The following CDH10 variants were observed in gnomAD, a reference collection of about 807,000 sequenced individuals.
The protein encoded by CDH10 is cadherin-10.
CDH10 carries 30 observed loss-of-function variants against 73.1 expected under a neutral mutation model. The observed-to-expected ratio is 0.41, with a 90% CI of 0.31 to 0.56. CDH10 has a LOEUF of 0.56. Among genes scored for constraint, CDH10 ranks in the 20% least tolerant of loss-of-function variants. The pLI is 0.27. For synonymous variants in CDH10, 345 were observed against 348.2 expected (o/e 0.99, Z 0.10); for missense variants, 815 against 973.7 (o/e 0.84, Z 2.17).
chr5:24,572,485 G>A (rs75699124), intron 2 of CDH10, among the ~76,000 whole-genome samples: 11,063 of 151,810 alleles, frequency 0.073, 749 homozygotes, highest in African/African-American at 0.15. Context: ...TCTTAAAAAA[G>A]GAAAAGCTGA....
intron 1 of CDH10, among the ~76,000 whole-genome samples, chr5:24,605,254 T>C (rs1746720046): frequency 6.6e-6 from 1 of 152,162 alleles, no homozygotes; most frequent in African/African-American, 2.4e-5. Flanking sequence ...ATAGTATAGG[T>C]CTATGACCTG....
chr5:24,571,250 G>T (rs2112022689), intron 2 of CDH10, among the ~76,000 whole-genome samples: 1 of 152,182 alleles, frequency 6.6e-6, no homozygotes, highest in East Asian at 1.9e-4. Context: ...TTCACGATGA[G>T]CCTTGAAGAT....
chr5:24,549,174 T>C lies in CDH10; in HGVS notation c.232-11500A>G, dbSNP rs548914529. Among the ~76,000 whole-genome samples the C allele has an allele frequency of 1.9e-3, 285 of 152,112 alleles. 1 individual carries two copies. Among genetic ancestry groups the C allele is most frequent in the Non-Finnish European group, 3.0e-3 (207 of 67,982 alleles). On this transcript the variant is annotated intron_variant, in intron 2 of 11. Coordinates refer to ENST00000264463, the MANE Select transcript of CDH10 (RefSeq NM_006727.5). ...CTGAAAGATGCAGAAAACAAAAATATGAAAACGAAAATTACATAAGGTCAC... is the reference window on the plus strand; with the variant it reads ...CTGAAAGATGCAGAAAACAAAAATACGAAAACGAAAATTACATAAGGTCAC...
chr5:24,499,266 C>G (rs1742403798), intron 8 of CDH10: 1 of 152,604 alleles, frequency 6.6e-6, no homozygotes, highest in Non-Finnish European at 1.5e-5. Flanking sequence ...TCTCAACATT[C>G]TAGCTCAATT....
rs2111752143 is a variant in CDH10 at position 24,509,692 on chromosome 5, T to C, written c.1130A>G (p.Asp377Gly). ...DTTIVKISIEDVDEPPVFSRS... is the reference protein window; with the variant it reads ...DTTIVKISIEGVDEPPVFSRS... The stretch of plus-strand genomic sequence containing the variant: ...ACTAAAAACAGGAGGTTCATCCACA[T>C]CTTCTATAGAGATTTTCACTATGGT... The change falls in exon 7 of 12, where the codon GAT (aspartate) becomes GGT (glycine). Residue 377 changes from aspartate to glycine, a missense_variant. Physicochemically the swap from Asp to Gly is moderately conservative, Grantham distance 94. Around this residue, in one of 3 missense-constraint regions of CDH10, gnomAD observed 516 missense variants for 636.6 expected, o/e 0.81. Transcript: ENST00000264463. 2 of 1,613,758 alleles carry C rather than the reference T, an allele frequency of 1.2e-6. No individual in the cohort carries two copies. The highest frequency in any genetic ancestry group is 1.7e-6 in the Non-Finnish European group (2 of 1,179,642).
intron 9 of CDH10, among the ~76,000 whole-genome samples, chr5:24,494,224 A>C (rs1478545030): frequency 4.6e-5 from 7 of 151,946 alleles, no homozygotes; most frequent in African/African-American, 1.7e-4. Context: ...TGTAAGCAAG[A>C]ATTATAAAAA....
chr5:24,535,429 T>C lies in CDH10; in HGVS notation c.647-150A>G, dbSNP rs73743626. On this transcript the variant is annotated intron_variant, in intron 4 of 11. Transcript: ENST00000264463. Reference sequence around the variant, plus strand: ...TATTGTCTAGAAATTATAAAAGTGATTCTGCGGAAATATCATTTGTATTGT... The same window carrying C: ...TATTGTCTAGAAATTATAAAAGTGACTCTGCGGAAATATCATTTGTATTGT... 634 of 809,574 alleles carry C rather than the reference T, an allele frequency of 7.8e-4. 2 individuals are homozygous for C. The African/African-American group carries it at 9.5e-3, about 12-fold the overall frequency. The allele number at this position is 809,574 out of a possible 1,614,324, so 50.1% of individuals were successfully genotyped here.
chr5:24,597,392 T>G (rs1254401566), intron 1 of CDH10, among the ~76,000 whole-genome samples: 1 of 152,086 alleles, frequency 6.6e-6, no homozygotes, highest in Admixed American at 6.6e-5. Flanking sequence ...CCTCAGAATG[T>G]TTTTATAACT....
At position 24,598,414 on chromosome 5, in the gene CDH10, G is replaced by A. The variant is rs115237005; in HGVS notation, c.-123-4801C>T. On this transcript the variant is annotated intron_variant, in intron 1 of 11. Coordinates refer to ENST00000264463, the MANE Select transcript of CDH10 (RefSeq NM_006727.5). ...TAAGTTTGAGGCAGGGTTTTATGTC[G>A]TCCATGCAAAGCTAGCAATATAGAG... Among the ~76,000 whole-genome samples the A allele has an allele frequency of 3.3e-3, 507 of 151,730 alleles. 6 individuals carry two copies. Among genetic ancestry groups the A allele is most frequent in the African/African-American group, 0.012 (478 of 41,414 alleles).
chr5:24,590,171 G>A (rs1746151003), intron 2 of CDH10, among the ~76,000 whole-genome samples: 2 of 151,808 alleles, frequency 1.3e-5, no homozygotes, highest in Admixed American at 6.6e-5. Context: ...ACAAATAAAT[G>A]TTTTGAATTG....
In CDH10 at chr5:24,631,915, A is replaced by G. The variant is rs1475881324; in HGVS notation, c.-124+12679T>C. Among the ~76,000 whole-genome samples the G allele has an allele frequency of 8.5e-5, 13 of 152,200 alleles. No individual in the cohort carries two copies. The South Asian group carries it at 1.9e-3, about 22-fold the overall frequency. On this transcript the variant is annotated intron_variant, in intron 1 of 11. Transcript: ENST00000264463. ...AGGATCATTTTTTAAATACAGATAGAATTAAAATCATTTGTCAAATAATTC... is the reference window on the plus strand; with the variant it reads ...AGGATCATTTTTTAAATACAGATAGGATTAAAATCATTTGTCAAATAATTC...
chr5:24,535,927 T>G, intron 3 of CDH10, 105 bp from the exon 4 acceptor site: 1 of 698,742 alleles, frequency 1.4e-6, no homozygotes. Context: ...AATCATGACC[T>G]CTTAAAGAAA....
intron 2 of CDH10, among the ~76,000 whole-genome samples, chr5:24,570,295 T>C (rs940916901): frequency 6.6e-6 from 1 of 152,126 alleles, no homozygotes; most frequent in African/African-American, 2.4e-5. Flanking sequence ...AGTTTGTGCA[T>C]AGATTTACTA....
At chr5:24,583,256 C>G (rs1275826367) in intron 2 of CDH10, among the ~76,000 whole-genome samples, 2 of 147,696 alleles carry the variant, frequency 1.4e-5, no homozygotes, top group Non-Finnish European at 3.0e-5. Flanking sequence ...ATAAAGTACA[C>G]TGCCATGTTT....
intron 1 of CDH10, among the ~76,000 whole-genome samples, chr5:24,617,094 A>G (rs757464594): frequency 6.6e-6 from 1 of 152,164 alleles, no homozygotes; most frequent in African/African-American, 2.4e-5. Context: ...AAATGAGTAT[A>G]TATCAGAGTT....
At chr5:24,542,570 T>C (rs765887107) in intron 2 of CDH10, among the ~76,000 whole-genome samples, 2 of 152,110 alleles carry the variant, frequency 1.3e-5, no homozygotes, top group African/African-American at 4.8e-5. Flanking sequence ...ATTGTGTGAG[T>C]ACATTCTACA....
chr5:24,580,129 C>G (rs1745744279), intron 2 of CDH10, among the ~76,000 whole-genome samples: 1 of 152,054 alleles, frequency 6.6e-6, no homozygotes, highest in Non-Finnish European at 1.5e-5. Flanking sequence ...AGCCAGAAGA[C>G]AGAGTGAAAA....
intron 5 of CDH10, among the ~76,000 whole-genome samples, chr5:24,526,907 T>G (rs998875804): frequency 1.3e-5 from 2 of 151,880 alleles, no homozygotes; most frequent in Non-Finnish European, 2.9e-5. Context: ...TAAACCAAAT[T>G]ACACACATTT....
rs1744449215 is a variant in CDH10 at position 24,549,021 on chromosome 5, A to T, written c.232-11347T>A. Among the ~76,000 whole-genome samples, 3 of 152,330 alleles carry T rather than the reference A, an allele frequency of 2.0e-5. No individual in the cohort carries two copies. The South Asian group carries it at 6.2e-4, about 32-fold the overall frequency. Reference sequence around the variant, plus strand: ...AGAGCATTCTGAAACTGAAAATACAATATCTGACATTCATAAATCAACAGA... The same window carrying T: ...AGAGCATTCTGAAACTGAAAATACATTATCTGACATTCATAAATCAACAGA... On this transcript the variant is annotated intron_variant, in intron 2 of 11. Coordinates refer to ENST00000264463, the MANE Select transcript of CDH10 (RefSeq NM_006727.5).
Sources: gnomAD v4.1 joint callset for allele counts (sites outside exome capture counted in the v4.1 genomes callset) on GRCh38, gnomAD v4.1.1 for gene constraint, gnomAD v4.1.1 regional missense constraint, MANE v1.5 for transcripts, NCBI Gene and HGNC (gene_info 2026-07-23, HGNC 2026-07-21) for gene names.